LRBA: variants seen among roughly 807,000 people sequenced by gnomAD.
The protein encoded by LRBA is LPS responsive beige-like anchor protein.
Under a neutral mutation model 330.0 loss-of-function variants are expected in LRBA, and 176 were observed. The ratio of observed to expected loss-of-function variants is 0.53; its 90% CI spans 0.47 to 0.60. The LOEUF (loss-of-function observed/expected upper bound fraction) is 0.60, where lower values mean the gene tolerates loss of function less well. Ranked by LOEUF, LRBA falls within the 20% of genes least tolerant of loss-of-function variation. The pLI is 0.00. For missense variants in LRBA, 3,259 were observed against 3,444.8 expected, an observed-to-expected ratio of 0.95 and a Z score of 1.35; for synonymous variants, 1,230 against 1,193.0, an observed-to-expected ratio of 1.03 and a Z score of -0.64.
intron 36 of LRBA, among the ~76,000 whole-genome samples, chr4:150,717,343 G>A (rs2127063785): frequency 6.6e-6 from 1 of 151,964 alleles, no homozygotes; most frequent in South Asian, 2.1e-4. Context: ...TTGCTAATTG[G>A]AAAAAAATCT....
At chr4:150,636,933 C>T (rs1320797183) in intron 37 of LRBA, among the ~76,000 whole-genome samples, 1 of 152,178 alleles carries the variant, frequency 6.6e-6, no homozygotes, top group Non-Finnish European at 1.5e-5. Context: ...CAGGCGTGAA[C>T]TATCACACCT....
chr4:150,906,329 C>CT lies in LRBA; in HGVS notation c.1569_1570insA (p.Gly524ArgfsTer8), dbSNP rs1731335611. The CT allele has an allele frequency of 6.2e-7, 1 of 1,609,414 alleles. No individual in the cohort carries two copies. Among genetic ancestry groups the CT allele is most frequent in the Admixed American group, 1.7e-5 (1 of 59,944 alleles). On this transcript the variant is annotated frameshift_variant, in exon 12 of 57. Coordinates refer to ENST00000651943, the MANE Select transcript of LRBA (RefSeq NM_001364905.1). LOFTEE classifies it high-confidence loss of function. ...AGGCTATATCCTATTACCAAGAAGC[C>CT]CTTACAGGCAAGCATCTGTTCCTGC...
chr4:150,402,028 C>T (rs1292109601), intron 47 of LRBA, among the ~76,000 whole-genome samples: 2 of 151,636 alleles, frequency 1.3e-5, no homozygotes, highest in South Asian at 2.1e-4. Context: ...CGGCGGCTCA[C>T]GCCTGTAATC....
intron 2 of LRBA, among the ~76,000 whole-genome samples, chr4:150,976,296 A>G (rs533055529): frequency 1.3e-5 from 2 of 152,280 alleles, no homozygotes; most frequent in African/African-American, 4.8e-5. Flanking sequence ...GCCTCACCAT[A>G]AACTCACACG....
intron 36 of LRBA, among the ~76,000 whole-genome samples, chr4:150,720,296 A>T (rs1271781708): frequency 6.6e-6 from 1 of 152,098 alleles, no homozygotes; most frequent in Non-Finnish European, 1.5e-5. Flanking sequence ...AAAAGACAAA[A>T]CATCTGATGA....
chr4:150,828,605 T>C lies in LRBA; in HGVS notation c.4746A>G (p.Ala1582=), dbSNP rs777913868. 3 of 1,613,480 alleles carry C rather than the reference T, an allele frequency of 1.9e-6. No homozygotes were observed. The change falls in exon 30 of 57, where the codon GCA becomes GCG. Residue 1582 remains alanine (A), a synonymous_variant. Transcript: ENST00000651943. Reference sequence around the variant, plus strand: ...CTGATGCCGTAGTTAAAGTGCTGAATGCTGCTGGTGTGATTTCTATATCAT... The same window carrying C: ...CTGATGCCGTAGTTAAAGTGCTGAACGCTGCTGGTGTGATTTCTATATCAT... ...NVSLSEITPA[A]FSTLTTASVE...
chr4:150,603,926 C>T (rs929165590), intron 37 of LRBA, among the ~76,000 whole-genome samples: 3 of 151,918 alleles, frequency 2.0e-5, no homozygotes, highest in African/African-American at 7.3e-5. Flanking sequence ...ATTCTATTTC[C>T]TAGGCCCTTT....
At chr4:150,531,366 T>C (rs1327514876) in intron 40 of LRBA, among the ~76,000 whole-genome samples, 1 of 152,202 alleles carries the variant, frequency 6.6e-6, no homozygotes, top group Non-Finnish European at 1.5e-5. Flanking sequence ...CCTTTCCATT[T>C]ACTGTTCCCT....
intron 35 of LRBA, among the ~76,000 whole-genome samples, chr4:150,755,605 G>A (rs1230380029): frequency 2.0e-5 from 3 of 151,802 alleles, no homozygotes; most frequent in Non-Finnish European, 2.9e-5. Flanking sequence ...CTTTAAACTA[G>A]GTTTCATAGT....
intron 2 of LRBA, among the ~76,000 whole-genome samples, chr4:151,002,569 GAA>G (rs767161173): frequency 5.6e-5 from 3 of 53,740 alleles, no homozygotes; most frequent in Non-Finnish European, 3.9e-5. Flanking sequence ...CCATCTCTCA[GAA>G]AAAAAAAAAA....
rs185619231 is a variant in LRBA, at chr4:150,674,933, G to T, written c.5921+8618C>A. On this transcript the variant is annotated intron_variant, in intron 37 of 56. Coordinates refer to ENST00000651943, the MANE Select transcript of LRBA (RefSeq NM_001364905.1). The stretch of plus-strand genomic sequence containing the variant: ...TAATACCAACTACTAATATTAAGAA[G>T]TTGACTGGGTGTAATGGCTCACGCC... Among the ~76,000 whole-genome samples the T allele has an allele frequency of 2.8e-4, 42 of 151,922 alleles. 1 individual carries two copies. Among genetic ancestry groups the T allele is most frequent in the Non-Finnish European group, 4.7e-4 (32 of 67,956 alleles).
intron 47 of LRBA, among the ~76,000 whole-genome samples, chr4:150,360,513 T>C (rs1328208287): frequency 6.6e-6 from 1 of 152,206 alleles, no homozygotes; most frequent in Admixed American, 6.5e-5. Flanking sequence ...AACAACCACA[T>C]GTGACTAGTG....
At chr4:150,446,349 CAG>C in intron 44 of LRBA, among the ~76,000 whole-genome samples, 1 of 152,282 alleles carries the variant, frequency 6.6e-6, no homozygotes, top group South Asian at 2.1e-4. Flanking sequence ...TCAGAAGAAA[CAG>C]GGCAACTGGA....
At chr4:150,731,519 T>C (rs1582176614) in intron 36 of LRBA, among the ~76,000 whole-genome samples, 1 of 152,148 alleles carries the variant, frequency 6.6e-6, no homozygotes, top group East Asian at 1.9e-4. Context: ...GAGATCATTA[T>C]GTTAAGTGAA....
At chr4:150,340,875 A>G (rs1735439060) in intron 48 of LRBA, among the ~76,000 whole-genome samples, 1 of 152,242 alleles carries the variant, frequency 6.6e-6, no homozygotes, top group South Asian at 2.1e-4. Context: ...GGAAGAGAAC[A>G]GACGACATGA....
At chr4:150,648,104 C>T (rs1779332724) in intron 37 of LRBA, among the ~76,000 whole-genome samples, 1 of 120,480 alleles carries the variant, frequency 8.3e-6, no homozygotes, top group African/African-American at 3.0e-5. Context: ...CATTTATGAG[C>T]TAGGAGAAAG....
intron 40 of LRBA, among the ~76,000 whole-genome samples, chr4:150,495,737 C>T (rs1759509776): frequency 1.3e-5 from 2 of 152,136 alleles, no homozygotes; most frequent in Admixed American, 6.6e-5. Context: ...TAGAAACAGA[C>T]CCTTCTTTGG....
intron 2 of LRBA, among the ~76,000 whole-genome samples, chr4:150,953,920 CA>C (rs1737168263): frequency 6.8e-6 from 1 of 146,686 alleles, no homozygotes; most frequent in South Asian, 2.2e-4. Context: ...AAGTGAGGAG[CA>C]TCTCTGCCCG....
chr4:151,010,800 C>G (rs549893934), intron 2 of LRBA, among the ~76,000 whole-genome samples: 1 of 151,070 alleles, frequency 6.6e-6, no homozygotes, highest in Non-Finnish European at 1.5e-5. Flanking sequence ...ACAAGAATTG[C>G]TTGAATCCGA....
Sources: gnomAD v4.1 joint callset for allele counts (sites outside exome capture counted in the v4.1 genomes callset) on GRCh38, gnomAD v4.1.1 for gene constraint, MANE v1.5 for transcripts, NCBI Gene and HGNC (gene_info 2026-07-23, HGNC 2026-07-21) for gene names.